CYP2C18: variants seen among roughly 807,000 people sequenced by gnomAD.
CYP2C18 encodes cytochrome P450 family 2 subfamily C member 18.
A neutral mutation model predicts 41.3 loss-of-function variants in CYP2C18; 38 were observed. The ratio of observed to expected loss-of-function variants is 0.92; its 90% confidence interval spans 0.71 to 1.21. The LOEUF (loss-of-function observed/expected upper bound fraction) is 1.21, where lower values mean the gene tolerates loss of function less well. Ranked by LOEUF, CYP2C18 falls within the 50% of genes most tolerant of loss-of-function variation. The probability of loss-of-function intolerance (pLI) is 0.00; values close to 1 mark genes in which losing one functional copy is unlikely to be tolerated. For missense variants in CYP2C18, 635 were observed against 591.4 expected, an observed-to-expected ratio of 1.07 and a Z score of -0.77; for synonymous variants, 236 against 210.0, an observed-to-expected ratio of 1.12 and a Z score of -1.07.
chr10:94,725,256 T>A (rs1352221696), intron 7 of CYP2C18, among the ~76,000 whole-genome samples: 10 of 151,292 alleles, frequency 6.6e-5, no homozygotes, highest in Non-Finnish European at 1.3e-4. Context: ...TAATATACTT[T>A]AAAAAAAATG....
intron 8 of CYP2C18, among the ~76,000 whole-genome samples, chr10:94,734,711 A>G (rs896437772): frequency 1.3e-5 from 2 of 152,146 alleles, no homozygotes; most frequent in African/African-American, 4.8e-5. Context: ...AAGGAGTGAT[A>G]TAGAACATCA....
Position 94,706,797 on chromosome 10 carries a change from T to A in CYP2C18, c.656T>A (p.Phe219Tyr). 1.3e-6 allele frequency: 2 copies of A among 1,588,316 alleles called. No individual in the cohort carries two copies. Among genetic ancestry groups the A allele is most frequent in the Non-Finnish European group, 1.7e-6 (2 of 1,162,978 alleles). ...SSPWIQVCNNFPALIDYLPGS... is the reference protein window; with the variant it reads ...SSPWIQVCNNYPALIDYLPGS... ...AAAATCTTTAAGGTCTGCAATAATT[T>A]CCCTGCTCTCATCGATTATCTCCCA... The change falls in exon 5 of 9, where the codon TTC (phenylalanine) becomes TAC (tyrosine). Residue 219 changes from phenylalanine (F) to tyrosine (Y), a missense_variant. Coordinates refer to ENST00000285979, the MANE Select transcript of CYP2C18 (RefSeq NM_000772.3).
At chr10:94,706,745 A>G in intron 4 of CYP2C18, 39 bp from the exon 5 acceptor site, 1 of 1,125,658 alleles carries the variant, frequency 8.9e-7, no homozygotes, top group Non-Finnish European at 1.3e-6. Context: ...TGTCTTCAAT[A>G]CATGTGTTTA....
intron 3 of CYP2C18, among the ~76,000 whole-genome samples, chr10:94,690,775 A>C (rs1846983426): frequency 1.3e-5 from 2 of 152,228 alleles, no homozygotes; most frequent in Admixed American, 1.3e-4. Flanking sequence ...AAAAATCCTC[A>C]ATAAAATACT....
At chr10:94,722,186 TATG>T (rs1847658174) in intron 6 of CYP2C18, among the ~76,000 whole-genome samples, 2 of 152,176 alleles carry the variant, frequency 1.3e-5, no homozygotes, top group African/African-American at 4.8e-5. Flanking sequence ...AATAAAGGTG[TATG>T]ATATTTAAGC....
intron 3 of CYP2C18, among the ~76,000 whole-genome samples, chr10:94,690,130 G>C (rs1846968318): frequency 6.6e-6 from 1 of 151,974 alleles, no homozygotes; most frequent in Non-Finnish European, 1.5e-5. Context: ...AGTCTGTTTT[G>C]GGGCAACCTG....
At chr10:94,710,868 A>G (rs557303959) in intron 5 of CYP2C18, among the ~76,000 whole-genome samples, 1 of 152,206 alleles carries the variant, frequency 6.6e-6, no homozygotes, top group Non-Finnish European at 1.5e-5. Flanking sequence ...TATTAAATTA[A>G]TGCTGTTCTA....
chr10:94,722,051 G>A (rs1316122747), intron 6 of CYP2C18, among the ~76,000 whole-genome samples: 1 of 152,090 alleles, frequency 6.6e-6, no homozygotes, highest in East Asian at 1.9e-4. Flanking sequence ...TCAAAGGGTA[G>A]TTCTATTTTT....
intron 5 of CYP2C18, among the ~76,000 whole-genome samples, chr10:94,718,210 T>C (rs1847588458): frequency 6.6e-6 from 1 of 152,148 alleles, no homozygotes; most frequent in Admixed American, 6.5e-5. Context: ...GATGCTATTG[T>C]AAATGGGTTT....
chr10:94,705,986 T>C (rs1257838716), intron 4 of CYP2C18, among the ~76,000 whole-genome samples: 3 of 152,120 alleles, frequency 2.0e-5, no homozygotes, highest in Non-Finnish European at 4.4e-5. Context: ...ACTCACAGGC[T>C]TTTCCTCTAA....
At chr10:94,690,012 G>A (rs1036728013) in intron 3 of CYP2C18, among the ~76,000 whole-genome samples, 1 of 152,042 alleles carries the variant, frequency 6.6e-6, no homozygotes, top group African/African-American at 2.4e-5. Flanking sequence ...TTTTGCTCTT[G>A]CTGCCTCCTG....
At chr10:94,716,246 G>T (rs1232665669) in intron 5 of CYP2C18, among the ~76,000 whole-genome samples, 1 of 152,044 alleles carries the variant, frequency 6.6e-6, no homozygotes, top group African/African-American at 2.4e-5. Context: ...GTTTGCTCTT[G>T]CTTCTCTAGT....
chr10:94,695,007 A>G lies in CYP2C18; in HGVS notation c.572A>G (p.Asp191Gly), dbSNP rs1004256316. The G allele has an allele frequency of 1.2e-6, 2 of 1,613,346 alleles. No homozygotes were observed. The highest frequency in any genetic ancestry group is 1.3e-5 in the African/African-American group (1 of 75,038). ...TTCCATGATCGATTTGATTATAAAGATCAGAGGTTTCTTAACTTGATGGAA... is the reference window on the plus strand; with the variant it reads ...TTCCATGATCGATTTGATTATAAAGGTCAGAGGTTTCTTAACTTGATGGAA... ...VIFHDRFDYK[D>G]QRFLNLMEKF... Residue 191 changes from aspartate to glycine, a missense_variant, in exon 4 of 9, where the codon GAT becomes GGT. Asp to Gly is a moderately conservative substitution (Grantham distance 94). Transcript: ENST00000285979.
chr10:94,691,783 G>A (rs1847005120), intron 3 of CYP2C18, among the ~76,000 whole-genome samples: 1 of 152,098 alleles, frequency 6.6e-6, no homozygotes, highest in Non-Finnish European at 1.5e-5. Flanking sequence ...ATACTACAAG[G>A]CTACAGTAAC....
At position 94,706,771 on chromosome 10, in the gene CYP2C18, A is replaced by G. The variant is rs200113440; in HGVS notation, c.643-13A>G. On this transcript the variant is annotated splice_polypyrimidine_tract_variant and intron_variant, in intron 4 of 8. Coordinates refer to ENST00000285979, the MANE Select transcript of CYP2C18 (RefSeq NM_000772.3). ...CATGTGTTTAATTTAATTAATTTTT[A>G]AAAATCTTTAAGGTCTGCAATAATT... 2 of 1,467,444 alleles carry G rather than the reference A, an allele frequency of 1.4e-6. No individual in the cohort carries two copies. Among genetic ancestry groups the G allele is most frequent in the East Asian group, 2.3e-5 (1 of 43,190 alleles). The allele number at this position is 1,467,444 out of a possible 1,614,324, so 90.9% of individuals were successfully genotyped here.
At chr10:94,729,865 A>T (rs1847800004) in intron 7 of CYP2C18, among the ~76,000 whole-genome samples, 1 of 152,164 alleles carries the variant, frequency 6.6e-6, no homozygotes, top group Admixed American at 6.6e-5. Context: ...AAGAGTTGGG[A>T]TGCTTCTAAA....
chr10:94,735,753 T>A lies in CYP2C18; in HGVS notation c.*309T>A. 1 of 294,316 alleles carries A rather than the reference T, an allele frequency of 3.4e-6. No individual in the cohort carries two copies. The highest frequency in any genetic ancestry group is 6.3e-6 in the Non-Finnish European group (1 of 158,300). 18.2% of individuals were successfully genotyped at this position (294,316 alleles called of 1,614,324 possible). On this transcript the variant is annotated 3_prime_UTR_variant, in exon 9 of 9. Coordinates refer to ENST00000285979, the MANE Select transcript of CYP2C18 (RefSeq NM_000772.3). ...AAAACAAAGAAAAATGATTAATAAA[T>A]GACAATTCAGAGCCATTTATTCTCT... is the stretch of plus-strand genomic sequence containing the variant.
chr10:94,708,605 A>G (rs1189125344), intron 5 of CYP2C18, among the ~76,000 whole-genome samples: 1 of 152,166 alleles, frequency 6.6e-6, no homozygotes, highest in Non-Finnish European at 1.5e-5. Context: ...TAATTCACAT[A>G]TTGTACCCTC....
chr10:94,717,951 A>T (rs1847582678), intron 5 of CYP2C18, among the ~76,000 whole-genome samples: 1 of 152,040 alleles, frequency 6.6e-6, no homozygotes, highest in African/African-American at 2.4e-5. Flanking sequence ...TTGTGGTTCT[A>T]TATGAATTTT....
Sources: allele counts gnomAD v4.1 joint callset (sites outside exome capture counted in the v4.1 genomes callset), GRCh38; gene constraint gnomAD v4.1.1; transcripts MANE v1.5; gene names NCBI Gene and HGNC (gene_info 2026-07-23, HGNC 2026-07-21).